The following RAB11FIP5 variants were observed in gnomAD, a reference collection of about 807,000 sequenced individuals.
The protein encoded by RAB11FIP5 is rab11 family-interacting protein 5.
A neutral mutation model predicts 85.1 loss-of-function variants in RAB11FIP5; 48 were observed. That is an observed-to-expected ratio of 0.56 (90% CI 0.45 to 0.72). RAB11FIP5 has a LOEUF of 0.72. Among genes scored for constraint, RAB11FIP5 ranks in the 30% least tolerant of loss-of-function variants. The pLI, the probability that RAB11FIP5 is intolerant of heterozygous loss-of-function variation, is 0.00. For synonymous variants in RAB11FIP5, 729 were observed against 727.3 expected, an observed-to-expected ratio of 1.00 and a Z score of -0.04; for missense variants, 1,491 against 1,687.0, an observed-to-expected ratio of 0.88 and a Z score of 2.04.
intron 3 of RAB11FIP5, among the ~76,000 whole-genome samples, chr2:73,082,579 G>A (rs1388260375): frequency 1.3e-5 from 2 of 152,210 alleles, no homozygotes; most frequent in Non-Finnish European, 2.9e-5. Flanking sequence ...TGTGGAGAAC[G>A]TCAACCAAAA....
chr2:73,082,207 C>T (rs547092995), intron 3 of RAB11FIP5, among the ~76,000 whole-genome samples: 1 of 152,260 alleles, frequency 6.6e-6, no homozygotes, highest in South Asian at 2.1e-4. Flanking sequence ...GATGAGGTTT[C>T]ACCATGTTGG....
intron 1 of RAB11FIP5, among the ~76,000 whole-genome samples, chr2:73,100,819 T>C (rs978196816): frequency 6.6e-6 from 1 of 151,360 alleles, no homozygotes; most frequent in Admixed American, 6.6e-5. Flanking sequence ...TTTTTTTTTG[T>C]TTTGAGACGG....
chr2:73,097,832 C>CA (rs1684350922), intron 1 of RAB11FIP5, among the ~76,000 whole-genome samples: 1 of 152,198 alleles, frequency 6.6e-6, no homozygotes, highest in South Asian at 2.1e-4. Context: ...AGAAGATGCC[C>CA]AACCAGATGT....
At chr2:73,083,958 T>C (rs1684047237) in intron 3 of RAB11FIP5, among the ~76,000 whole-genome samples, 1 of 152,200 alleles carries the variant, frequency 6.6e-6, no homozygotes, top group South Asian at 2.1e-4. Flanking sequence ...CTCTGCCCCC[T>C]CAGCCCTAAC....
In RAB11FIP5 at chr2:73,086,709, G is replaced by A. The variant is rs527410967; in HGVS notation, c.1568+1341C>T. Among the ~76,000 whole-genome samples the A allele has an allele frequency of 6.6e-6, 1 of 152,242 alleles. No individual in the cohort carries two copies. The highest frequency in any genetic ancestry group is 6.5e-5 in the Admixed American group (1 of 15,300). ...GGACACCAGGCTCAGCCTGGCATCT[G>A]GGAAAGGCCTGTCCCCTTCTTCCCA... On this transcript the variant is annotated intron_variant, in intron 3 of 5. Coordinates refer to ENST00000486777, the MANE Select transcript of RAB11FIP5 (RefSeq NM_001371272.1). This position sits in a 1 kb window ranked among gnomAD's most constrained non-coding sequence, Gnocchi z 4.4.
intron 1 of RAB11FIP5, among the ~76,000 whole-genome samples, chr2:73,111,194 A>G (rs1453157684): frequency 1.3e-5 from 2 of 152,042 alleles, no homozygotes; most frequent in South Asian, 4.1e-4. Flanking sequence ...CAGCCAGGAA[A>G]GTCATTCCAC....
rs1419345451 is a variant in RAB11FIP5 at position 73,091,717 on chromosome 2, G to A, written c.432-2402C>T. On this transcript the variant is annotated intron_variant, in intron 1 of 5. Coordinates refer to ENST00000486777, the MANE Select transcript of RAB11FIP5 (RefSeq NM_001371272.1). The stretch of plus-strand genomic sequence containing the variant: ...AAGTTTTTTTAAAAAGGCTTCCTGG[G>A]GCACCTCTGACTCTTCTACATCCCT... Among the ~76,000 whole-genome samples the A allele has an allele frequency of 2.0e-5, 3 of 152,062 alleles. No homozygotes were observed. In the East Asian group the frequency reaches 5.8e-4, roughly 29 times the overall value.
intron 3 of RAB11FIP5, among the ~76,000 whole-genome samples, chr2:73,084,639 G>A (rs902186559): frequency 6.6e-6 from 1 of 152,200 alleles, no homozygotes; most frequent in Non-Finnish European, 1.5e-5. Context: ...TGTTCACCCT[G>A]ACAGCCCCTC....
At chr2:73,085,426 A>G (rs940421934) in intron 3 of RAB11FIP5, among the ~76,000 whole-genome samples, 2 of 152,236 alleles carry the variant, frequency 1.3e-5, no homozygotes, top group Non-Finnish European at 2.9e-5. Context: ...GACCCGGGAT[A>G]GACACAAAGA....
At position 73,079,734 on chromosome 2, in the gene RAB11FIP5, G is replaced by A. The variant is rs1243850689; in HGVS notation, c.3498C>T (p.Asp1166=). The change falls in exon 4 of 6, where the codon GAC becomes GAT. Residue 1166 remains aspartate, a synonymous_variant. Coordinates refer to ENST00000486777, the MANE Select transcript of RAB11FIP5 (RefSeq NM_001371272.1). ...GGGAGGCTGGGGTGGCTGCAGCGAGGTCCTCCCTAAGTAGGGCAGGGGAGC... is the reference window on the plus strand; with the variant it reads ...GGGAGGCTGGGGTGGCTGCAGCGAGATCCTCCCTAAGTAGGGCAGGGGAGC... The part of the protein sequence containing the change: ...PGGSPALLRE[D]LAAATPASPL... 4.9e-6 allele frequency: 6 copies of A among 1,233,002 alleles called. No individual in the cohort carries two copies. The highest frequency in any genetic ancestry group is 1.6e-5 in the African/African-American group (1 of 64,432). The allele number at this position is 1,233,002 out of a possible 1,614,324, so 76.4% of individuals were successfully genotyped here. A position where few individuals can be genotyped will look rare whatever the true frequency, so the allele number is the denominator to read the frequency against.
At chr2:73,085,772 G>C (rs931772898) in intron 3 of RAB11FIP5, among the ~76,000 whole-genome samples, 1 of 152,106 alleles carries the variant, frequency 6.6e-6, no homozygotes, top group South Asian at 2.1e-4. Flanking sequence ...GTTCAGCCCC[G>C]GGCCTCTCTG....
chr2:73,083,348 A>G (rs1464255770), intron 3 of RAB11FIP5, among the ~76,000 whole-genome samples: 1 of 152,192 alleles, frequency 6.6e-6, no homozygotes, highest in African/African-American at 2.4e-5. Context: ...ACAGAGGCAC[A>G]GGTAGCTCCA....
Position 73,075,384 on chromosome 2 carries a change from T to G in RAB11FIP5, c.*137A>C. 2 of 910,032 alleles carry G rather than the reference T, an allele frequency of 2.2e-6. No individual in the cohort carries two copies. Among genetic ancestry groups the G allele is most frequent in the Non-Finnish European group, 3.6e-6 (2 of 554,162 alleles). The allele number at this position is 910,032 out of a possible 1,614,324, so 56.4% of individuals were successfully genotyped here. On this transcript the variant is annotated 3_prime_UTR_variant, in exon 6 of 6. Coordinates refer to ENST00000486777, the MANE Select transcript of RAB11FIP5 (RefSeq NM_001371272.1). The surrounding 1 kb of genome is among the most constrained non-coding windows in gnomAD (Gnocchi z 4.6). Reference sequence around the variant, plus strand: ...GAGGGCCCCCTTCCAGCAGCCCCAGTTGAGGCAGGAGGGAGAGGAGCAAGG... The same window carrying G: ...GAGGGCCCCCTTCCAGCAGCCCCAGGTGAGGCAGGAGGGAGAGGAGCAAGG...
Position 73,079,831 on chromosome 2 carries a change from A to T in RAB11FIP5, c.3401T>A (p.Leu1134Gln), listed in dbSNP as rs1385580082. 6.5e-6 allele frequency: 8 copies of T among 1,232,152 alleles called. No homozygotes were observed. Among genetic ancestry groups the T allele is most frequent in the Non-Finnish European group, 8.1e-6 (8 of 988,132 alleles). The allele number at this position is 1,232,152 out of a possible 1,614,324, so 76.3% of individuals were successfully genotyped here. ...PCSPLSEAWP[L>Q]TTSSAPPGEP... is the part of the protein sequence containing the mutation. Reference sequence around the variant, plus strand: ...CCCTGGTGGTGCAGAGGAGGTAGTCAGGGGCCAGGCTTCAGACAGGGGAGA... The same window carrying T: ...CCCTGGTGGTGCAGAGGAGGTAGTCTGGGGCCAGGCTTCAGACAGGGGAGA... The change falls in exon 4 of 6, where the codon CTG (leucine) becomes CAG (glutamine). Residue 1134 changes from leucine to glutamine, a missense_variant. This residue lies in a region of RAB11FIP5 where 232 missense variants were observed against 259.1 expected (regional missense o/e 0.90). Transcript: ENST00000486777.
chr2:73,078,848 A>AG lies in RAB11FIP5; in HGVS notation c.3581+802dup, dbSNP rs1651926357. On this transcript the variant is annotated intron_variant, in intron 4 of 5. Coordinates refer to ENST00000486777, the MANE Select transcript of RAB11FIP5 (RefSeq NM_001371272.1). This position sits in a 1 kb window ranked among gnomAD's most constrained non-coding sequence, Gnocchi z 4.4. Reference sequence around the variant, plus strand: ...TCACCTCCCAGTGCCCTGAGTCTCCAGGCCTCTGCCCACATCACCCCTGAC... The same window carrying AG: ...TCACCTCCCAGTGCCCTGAGTCTCCAGGGCCTCTGCCCACATCACCCCTGAC... Among the ~76,000 whole-genome samples the AG allele has an allele frequency of 6.6e-6, 1 of 152,110 alleles. No individual in the cohort carries two copies. Among genetic ancestry groups the AG allele is most frequent in the African/African-American group, 2.4e-5 (1 of 41,402 alleles).
intron 1 of RAB11FIP5, among the ~76,000 whole-genome samples, chr2:73,108,825 C>T (rs1684581657): frequency 6.6e-6 from 1 of 152,190 alleles, no homozygotes; most frequent in Non-Finnish European, 1.5e-5. Flanking sequence ...AGGTGGATCA[C>T]CTGAGGTCAG....
intron 1 of RAB11FIP5, among the ~76,000 whole-genome samples, chr2:73,111,019 A>AAAAAC (rs60411255): frequency 0.34 from 51,206 of 151,336 alleles, 10,701 homozygotes; most frequent in African/African-American, 0.58. Context: ...AAAGGAGGAA[A>AAAAAC]AAAACAAGGT....
chr2:73,088,337 C>A lies in RAB11FIP5; in HGVS notation c.1281G>T (p.Arg427=). The change falls in exon 3 of 6, where the codon CGG becomes CGT. Residue 427 remains arginine, a synonymous_variant. Transcript: ENST00000486777. Reference sequence around the variant, plus strand: ...CCTGGACTGGCTTGCCCTCTGGTAGCCGGGCCCCCTCCTCCTCTCCAGGGT... The same window carrying A: ...CCTGGACTGGCTTGCCCTCTGGTAGACGGGCCCCCTCCTCCTCTCCAGGGT... ...ASHPGEEEGA[R]LPEGKPVQVA... 6.2e-7 allele frequency: 1 copy of A among 1,613,638 alleles called. No homozygotes were observed. The highest frequency in any genetic ancestry group is 8.5e-7 in the Non-Finnish European group (1 of 1,180,002).
chr2:73,089,353 G>T lies in RAB11FIP5; in HGVS notation c.432-38C>A. 1 of 1,602,746 alleles carries T rather than the reference G, an allele frequency of 6.2e-7. No homozygotes were observed. The highest frequency in any genetic ancestry group is 8.5e-7 in the Non-Finnish European group (1 of 1,175,626). ...GGGAGCAGGCAGAACTCAGTCACGG[G>T]CCCAGGGAGCCTGGCTCCCGCCCGG... On this transcript the variant is annotated intron_variant, in intron 1 of 5. Coordinates refer to ENST00000486777, the MANE Select transcript of RAB11FIP5 (RefSeq NM_001371272.1). This position sits in a 1 kb window ranked among gnomAD's most constrained non-coding sequence, Gnocchi z 4.6.
Sources: allele counts gnomAD v4.1 joint callset (sites outside exome capture counted in the v4.1 genomes callset), GRCh38; gene constraint gnomAD v4.1.1; regional missense constraint gnomAD v4.1.1; non-coding constraint Gnocchi (gnomAD v3.1); transcripts MANE v1.5; gene names NCBI Gene and HGNC (gene_info 2026-07-23, HGNC 2026-07-21).